DDX1: variants seen among roughly 807,000 people sequenced by gnomAD.
DDX1 encodes the protein ATP-dependent RNA helicase DDX1.
In DDX1, 28 loss-of-function variants were observed where a neutral mutation model predicts 108.7. That is an observed-to-expected ratio of 0.26 (90% CI 0.19 to 0.35). The LOEUF is 0.35. Among genes scored for constraint, DDX1 ranks in the 10% least tolerant of loss-of-function variants. The probability of loss-of-function intolerance (pLI) is 1.00; values close to 1 mark genes in which losing one functional copy is unlikely to be tolerated. For missense variants in DDX1, 710 were observed against 884.5 expected (o/e 0.80, Z 2.50); for synonymous variants, 295 against 288.9 (o/e 1.02, Z -0.21).
At chr2:15,620,450 G>T in intron 17 of DDX1, 54 bp downstream of exon 17, 6 of 1,396,086 alleles carry the variant, frequency 4.3e-6, no homozygotes, top group Non-Finnish European at 4.9e-6. Flanking sequence ...TTATAAACTA[G>T]GTCAGCCTTG....
At chr2:15,624,013 A>T (rs1666056051) in intron 19 of DDX1, among the ~76,000 whole-genome samples, 1 of 152,196 alleles carries the variant, frequency 6.6e-6, no homozygotes, top group Non-Finnish European at 1.5e-5. Context: ...ATAGAATAAG[A>T]TCAATGTTGG....
At chr2:15,613,348 T>C in intron 14 of DDX1, 64 bp downstream of exon 14, 1 of 1,153,594 alleles carries the variant, frequency 8.7e-7, no homozygotes, top group Non-Finnish European at 1.2e-6. Flanking sequence ...AATACAGCTC[T>C]GTTTTGTTTC....
chr2:15,608,899 T>C (rs1462086515), intron 13 of DDX1, among the ~76,000 whole-genome samples: 2 of 152,240 alleles, frequency 1.3e-5, no homozygotes, highest in African/African-American at 4.8e-5. Context: ...TATTTAGGGA[T>C]AAATTATGTA....
intron 19 of DDX1, among the ~76,000 whole-genome samples, chr2:15,623,909 A>C (rs1488910596): frequency 6.6e-6 from 1 of 151,780 alleles, no homozygotes; most frequent in Non-Finnish European, 1.5e-5. Flanking sequence ...TGTCTTTTAA[A>C]CCAGTAGATG....
intron 18 of DDX1, chr2:15,621,425 T>C: frequency 4.1e-6 from 1 of 241,510 alleles, no homozygotes. Context: ...TCTTCTTGCC[T>C]CAGCCTCCCA....
chr2:15,610,167 A>C (rs550139835), intron 13 of DDX1, among the ~76,000 whole-genome samples: 1 of 152,166 alleles, frequency 6.6e-6, no homozygotes, highest in Non-Finnish European at 1.5e-5. Context: ...CCTGGCCTCA[A>C]GCAATCCTTG....
chr2:15,606,193 T>A lies in DDX1; in HGVS notation c.746T>A (p.Phe249Tyr). 1 of 1,614,116 alleles carries A rather than the reference T, an allele frequency of 6.2e-7. No individual in the cohort carries two copies. The highest frequency in any genetic ancestry group is 8.5e-7 in the Non-Finnish European group (1 of 1,179,988). Reference sequence around the variant, plus strand: ...AACTTCGGTGAAGAGGAATTTAAGTTTCCACCAAAAGATGGCTTTGTTGCT... The same window carrying A: ...AACTTCGGTGAAGAGGAATTTAAGTATCCACCAAAAGATGGCTTTGTTGCT... ...KFNFGEEEFK[F>Y]PPKDGFVALS... The change falls in exon 12 of 26, where the codon TTT becomes TAT. Residue 249 changes from phenylalanine to tyrosine, a missense_variant. Transcript: ENST00000233084.
chr2:15,602,024 A>G (rs1235520059), intron 6 of DDX1, among the ~76,000 whole-genome samples: 1 of 152,174 alleles, frequency 6.6e-6, no homozygotes, highest in Non-Finnish European at 1.5e-5. Context: ...CTAGTTTCCC[A>G]TATGGTTTCT....
At chr2:15,617,693 T>A (rs952003797) in intron 15 of DDX1, among the ~76,000 whole-genome samples, 1 of 152,214 alleles carries the variant, frequency 6.6e-6, no homozygotes, top group Non-Finnish European at 1.5e-5. Context: ...TTGCTCCAAA[T>A]AACCAGCTTT....
intron 2 of DDX1, 108 bp from the exon 3 acceptor site, chr2:15,595,382 A>C (rs1411636916): frequency 2.1e-6 from 2 of 970,142 alleles, no homozygotes; most frequent in Admixed American, 2.1e-5. Flanking sequence ...AATAAGATGG[A>C]TCGTATTTAC....
intron 23 of DDX1, 102 bp downstream of exon 23, chr2:15,628,941 C>A: frequency 9.2e-7 from 1 of 1,091,574 alleles, no homozygotes; most frequent in South Asian, 1.3e-5. Context: ...AATTCAGCTG[C>A]GTATGGAATA....
chr2:15,607,508 A>T (rs948030389), intron 13 of DDX1, among the ~76,000 whole-genome samples, 195 bp downstream of exon 13: 3 of 92,222 alleles, frequency 3.3e-5, no homozygotes, highest in African/African-American at 1.9e-4. Context: ...TGATTTTTTT[A>T]AAATTGAGAT....
intron 18 of DDX1, 47 bp from the exon 19 acceptor site, chr2:15,623,389 T>G: frequency 6.3e-7 from 1 of 1,596,800 alleles, no homozygotes. Context: ...TCATGACAAG[T>G]TCAGATTGAA....
At position 15,592,094 on chromosome 2, in the gene DDX1, C is replaced by T. The variant is rs186054176; in HGVS notation, c.16+145C>T. On this transcript the variant is annotated intron_variant, in intron 1 of 25. Transcript: ENST00000233084. ...TGTCCGCTGCAGTCCCTGATGGACC[C>T]GCGTTGCGGGATCAGGGGCGGCCGC... 362 of 782,274 alleles carry T rather than the reference C, an allele frequency of 4.6e-4. 1 individual carries two copies. Among genetic ancestry groups the T allele is most frequent in the Non-Finnish European group, 6.0e-4 (333 of 556,668 alleles). 48.5% of individuals were successfully genotyped at this position (782,274 alleles called of 1,614,324 possible). A position where few individuals can be genotyped will look rare whatever the true frequency, so the allele number is the denominator to read the frequency against.
intron 7 of DDX1, among the ~76,000 whole-genome samples, chr2:15,602,944 C>G (rs1393997773): frequency 3.9e-5 from 6 of 152,228 alleles, no homozygotes; most frequent in Non-Finnish European, 7.3e-5. Context: ...AACTCCTAAC[C>G]TCAGGTGATC....
chr2:15,617,491 TTTA>T lies in DDX1; in HGVS notation c.1116+152_1116+154del, dbSNP rs1573047467. ...CAGTTTGGTATATTTTCATATACTT[TTTA>T]TTTATATATTATTTTATGTAGTTGA... On this transcript the variant is annotated intron_variant, in intron 15 of 25. Transcript: ENST00000233084. 19 of 405,312 alleles carry T rather than the reference TTTA, an allele frequency of 4.7e-5. No homozygotes were observed. In the East Asian group the frequency reaches 7.4e-4, roughly 16 times the overall value. The allele number at this position is 405,312 out of a possible 1,614,324, so 25.1% of individuals were successfully genotyped here. A position where few individuals can be genotyped will look rare whatever the true frequency, so the allele number is the denominator to read the frequency against.
intron 18 of DDX1, 83 bp downstream of exon 18, chr2:15,621,199 A>G (rs1665999620): frequency 1.1e-6 from 1 of 929,972 alleles, no homozygotes; most frequent in Non-Finnish European, 1.7e-6. Context: ...ATGTGAGGTG[A>G]CCTGCAAAAT....
chr2:15,628,560 A>G (rs1247839161), intron 21 of DDX1, 43 bp downstream of exon 21: 2 of 1,598,094 alleles, frequency 1.3e-6, no homozygotes, highest in Non-Finnish European at 1.7e-6. Flanking sequence ...TTGTTACGGA[A>G]TCTAAAGTAA....
intron 14 of DDX1, among the ~76,000 whole-genome samples, chr2:15,615,975 G>A (rs1001867476): frequency 4.0e-5 from 6 of 151,846 alleles, no homozygotes; most frequent in Admixed American, 1.3e-4. Context: ...TCACTGCAAC[G>A]TCTGCCTCCC....
Sources: allele counts gnomAD v4.1 joint callset (sites outside exome capture counted in the v4.1 genomes callset), GRCh38; gene constraint gnomAD v4.1.1; transcripts MANE v1.5; gene names NCBI Gene and HGNC (gene_info 2026-07-23, HGNC 2026-07-21).